The following CCDC57 variants were observed in gnomAD, a reference collection of about 807,000 sequenced individuals.
CCDC57 encodes the protein coiled-coil domain containing 57.
Under a neutral mutation model 118.9 loss-of-function variants are expected in CCDC57, and 118 were observed. The ratio of observed to expected loss-of-function variants is 0.99; its 90% CI spans 0.86 to 1.16. The LOEUF (loss-of-function observed/expected upper bound fraction) is 1.16, where lower values mean the gene tolerates loss of function less well. CCDC57 is among the 50% of genes most tolerant of loss of function. The pLI, the probability that CCDC57 is intolerant of heterozygous loss-of-function variation, is 0.00. For synonymous variants in CCDC57, 527 were observed against 532.9 expected (o/e 0.99, Z 0.15); for missense variants, 1,300 against 1,320.7 (o/e 0.98, Z 0.24).
chr17:82,172,788 G>A lies in CCDC57; in HGVS notation c.1579C>T (p.Gln527Ter). Residue 527 changes from glutamine to a stop codon, truncating the protein, a stop_gained, in exon 12 of 20, where the codon CAG becomes TAG. Transcript: ENST00000665763. LOFTEE classifies it high-confidence loss of function. The surrounding 1 kb of genome is among the most constrained non-coding windows in gnomAD (Gnocchi z 5.2). Reference sequence around the variant, plus strand: ...ATCGCGTTTCGCAAGCTCGTGTTCTGCTCTCGGAGCCGCTGGATCTCACTG... The same window carrying A: ...ATCGCGTTTCGCAAGCTCGTGTTCTACTCTCGGAGCCGCTGGATCTCACTG... 1 of 1,613,362 alleles carries A rather than the reference G, an allele frequency of 6.2e-7. No homozygotes were observed. The highest frequency in any genetic ancestry group is 1.3e-5 in the African/African-American group (1 of 75,028).
At chr17:82,132,759 CTTT>C (rs71166188) in intron 17 of CCDC57, among the ~76,000 whole-genome samples, 3 of 123,944 alleles carry the variant, frequency 2.4e-5, no homozygotes, top group Non-Finnish European at 3.3e-5. Flanking sequence ...GACAACCTTG[CTTT>C]TTTTTTTTTT....
intron 19 of CCDC57, among the ~76,000 whole-genome samples, chr17:82,102,482 T>C (rs1456333545): frequency 2.0e-5 from 3 of 152,102 alleles, no homozygotes; most frequent in African/African-American, 7.2e-5. Flanking sequence ...CGCAGAGGGG[T>C]GTTGTAGGTG....
At chr17:82,146,886 C>T (rs12602320) in intron 16 of CCDC57, among the ~76,000 whole-genome samples, 70,796 of 151,736 alleles carry the variant, frequency 0.47, 17,273 homozygotes, top group East Asian at 0.88. Context: ...CGCAAACAAA[C>T]GTGTGTGCAC....
At chr17:82,127,483 T>C in intron 19 of CCDC57, 1 of 985,410 alleles carries the variant, frequency 1.0e-6, no homozygotes, top group Non-Finnish European at 1.2e-6. Context: ...ATGGCATGGT[T>C]TCTGCCCTTC....
At chr17:82,136,222 A>G (rs1019566063) in intron 16 of CCDC57, among the ~76,000 whole-genome samples, 4 of 152,218 alleles carry the variant, frequency 2.6e-5, no homozygotes, top group Admixed American at 2.6e-4. Flanking sequence ...AAATGCCTAC[A>G]GTGGCCTGTC....
chr17:82,104,230 C>T (rs111640814), intron 19 of CCDC57, among the ~76,000 whole-genome samples: 67 of 152,366 alleles, frequency 4.4e-4, no homozygotes, highest in Non-Finnish European at 6.8e-4. Context: ...TCTCTTTCTG[C>T]GTTGGGCTGA....
chr17:82,193,736 T>TCTCC lies in CCDC57; in HGVS notation c.851+19_851+20insGGAG. 1 of 1,578,986 alleles carries TCTCC rather than the reference T, an allele frequency of 6.3e-7. No individual in the cohort carries two copies. Reference sequence around the variant, plus strand: ...GGGGCCACTGACATGCTGCATGATGTTGGGAGCCGAAACACTCACTTCCTC... The same window carrying TCTCC: ...GGGGCCACTGACATGCTGCATGATGTCTCCTGGGAGCCGAAACACTCACTTCCTC... On this transcript the variant is annotated intron_variant, in intron 7 of 19. Coordinates refer to ENST00000665763, the Ensembl canonical transcript of CCDC57.
At chr17:82,198,289 G>A (rs895494670) in intron 4 of CCDC57, 25 bp downstream of exon 3, 7 of 1,484,060 alleles carry the variant, frequency 4.7e-6, no homozygotes, top group Non-Finnish European at 6.6e-6. Flanking sequence ...AAGCACCCAG[G>A]AAGGGGCCGA....
chr17:82,101,892 C>T, intron 19 of CCDC57, 26 bp from the exon 19 acceptor site: 5 of 1,539,986 alleles, frequency 3.2e-6, no homozygotes, highest in Non-Finnish European at 4.4e-6. Context: ...GAAAAAACAG[C>T]ATGCATCAGG....
chr17:82,143,734 A>C (rs2040339589), intron 16 of CCDC57, among the ~76,000 whole-genome samples: 1 of 152,154 alleles, frequency 6.6e-6, no homozygotes, highest in Admixed American at 6.5e-5. Flanking sequence ...GGATTCAGGG[A>C]AACAAATCCA....
chr17:82,130,279 C>T (rs1488690940), intron 17 of CCDC57, among the ~76,000 whole-genome samples: 9 of 151,878 alleles, frequency 5.9e-5, no homozygotes, highest in African/African-American at 9.7e-5. Context: ...CTGCAACCTC[C>T]GCCTCCTGGG....
chr17:82,132,567 G>T (rs540762503), intron 17 of CCDC57, among the ~76,000 whole-genome samples: 17 of 152,144 alleles, frequency 1.1e-4, no homozygotes, highest in African/African-American at 4.1e-4. Context: ...TGCCACTAAG[G>T]ATATAAGAAA....
At chr17:82,164,454 A>C (rs1018882079) in intron 13 of CCDC57, among the ~76,000 whole-genome samples, 2 of 152,206 alleles carry the variant, frequency 1.3e-5, no homozygotes, top group Non-Finnish European at 1.5e-5. Flanking sequence ...TTAGTATTAG[A>C]TACTGAGGAA....
At chr17:82,160,873 C>CAAAAAAA (rs55750984) in intron 14 of CCDC57, among the ~76,000 whole-genome samples, 10 of 60,840 alleles carry the variant, frequency 1.6e-4, no homozygotes, top group Middle Eastern at 0.015. Context: ...GACTCTGTCT[C>CAAAAAAA]AAAAAAAAAA....
intron 4 of CCDC57, 120 bp from the exon 4 acceptor site, chr17:82,195,484 C>T: frequency 1.3e-6 from 1 of 764,954 alleles, no homozygotes; most frequent in Non-Finnish European, 2.2e-6. Flanking sequence ...AGAAGGACCA[C>T]ACACACTGTC....
chr17:82,131,054 C>G (rs1199455362), intron 17 of CCDC57, among the ~76,000 whole-genome samples: 1 of 149,872 alleles, frequency 6.7e-6, no homozygotes, highest in African/African-American at 2.4e-5. Flanking sequence ...CTCAGGTGAT[C>G]CACCCGTCTC....
chr17:82,178,240 A>G (rs1599186802), intron 11 of CCDC57, among the ~76,000 whole-genome samples: 1 of 152,206 alleles, frequency 6.6e-6, no homozygotes, highest in East Asian at 1.9e-4. Flanking sequence ...TCTGATATCT[A>G]GTTATATGTG....
At chr17:82,131,092 C>T (rs1401924652) in intron 17 of CCDC57, among the ~76,000 whole-genome samples, 1 of 150,750 alleles carries the variant, frequency 6.6e-6, no homozygotes, top group East Asian at 2.0e-4. Context: ...GGATTACAGG[C>T]ATGAGCCACT....
chr17:82,178,384 C>T, intron 11 of CCDC57, 90 bp downstream of exon 10: 1 of 1,420,912 alleles, frequency 7.0e-7, no homozygotes, highest in East Asian at 2.4e-5. Context: ...AAAGACTTAG[C>T]TCCAGTCTTG....
Sources: allele counts gnomAD v4.1 joint callset (sites outside exome capture counted in the v4.1 genomes callset), GRCh38; gene constraint gnomAD v4.1.1; non-coding constraint Gnocchi (gnomAD v3.1); transcripts MANE v1.5; gene names NCBI Gene and HGNC (gene_info 2026-07-23, HGNC 2026-07-21).